Variants in HMGCLL1 observed in about 807,000 individuals in gnomAD.
HMGCLL1 encodes the protein 3-hydroxy-3-methylglutaryl-CoA lyase like 1.
HMGCLL1 carries 36 observed loss-of-function variants against 39.1 expected under a neutral mutation model. That is an observed-to-expected ratio of 0.92 (90% CI 0.71 to 1.22). The LOEUF (loss-of-function observed/expected upper bound fraction) is 1.22. Among genes scored for constraint, HMGCLL1 ranks in the 50% most tolerant of loss-of-function variants. The probability of loss-of-function intolerance (pLI) is 0.00; values close to 1 mark genes in which losing one functional copy is unlikely to be tolerated. For synonymous variants in HMGCLL1, 149 were observed against 144.0 expected (o/e 1.03, Z -0.25); for missense variants, 451 against 416.5 (o/e 1.08, Z -0.72).
At position 55,463,634 on chromosome 6, in the gene HMGCLL1, G is replaced by A. The variant is rs926000740; in HGVS notation, c.796-24075C>T. Reference sequence around the variant, plus strand: ...GGCTTCAAACATTGGGGCAACTGCAGACATTTACATATTTGAAACTAAATG... The same window carrying A: ...GGCTTCAAACATTGGGGCAACTGCAAACATTTACATATTTGAAACTAAATG... On this transcript the variant is annotated intron_variant, in intron 7 of 8. Transcript: ENST00000274901. Among the ~76,000 whole-genome samples, 8 of 152,058 alleles carry A rather than the reference G, an allele frequency of 5.3e-5. 1 individual carries two copies. Among genetic ancestry groups the A allele is most frequent in the African/African-American group, 1.9e-4 (8 of 41,396 alleles).
At chr6:55,660,604 A>T in the HMGCLL1 span, among the ~76,000 whole-genome samples, 1 of 151,864 alleles carries the variant, frequency 6.6e-6, no homozygotes, top group African/African-American at 2.4e-5. Flanking sequence ...CATTTCCTTT[A>T]TTCAATCTTT....
chr6:55,514,316 A>G, intron 4 of HMGCLL1, 120 bp from the exon 5 acceptor site: 1 of 686,010 alleles, frequency 1.5e-6, no homozygotes, highest in Non-Finnish European at 2.3e-6. Context: ...TTGCCTTAGA[A>G]TTTAAAATTG....
At chr6:55,639,505 A>T in the HMGCLL1 span, among the ~76,000 whole-genome samples, 2 of 151,722 alleles carry the variant, frequency 1.3e-5, no homozygotes, top group South Asian at 4.2e-4. Flanking sequence ...GAAGACAGGC[A>T]TATTTATTTT....
At chr6:55,444,937 G>A (rs192026300) in intron 7 of HMGCLL1, among the ~76,000 whole-genome samples, 2 of 152,028 alleles carry the variant, frequency 1.3e-5, no homozygotes, top group Admixed American at 6.6e-5. Flanking sequence ...CTTGTAAAAT[G>A]GTCTTTCTGA....
At chr6:55,612,972 C>T in the HMGCLL1 span, among the ~76,000 whole-genome samples, 1 of 152,096 alleles carries the variant, frequency 6.6e-6, no homozygotes, top group African/African-American at 2.4e-5. Flanking sequence ...AACTAAAGAG[C>T]TTCTGCACAG....
chr6:55,505,124 G>A (rs563528422), intron 5 of HMGCLL1, among the ~76,000 whole-genome samples: 1 of 151,568 alleles, frequency 6.6e-6, no homozygotes, highest in Non-Finnish European at 1.5e-5. Context: ...AAAAGAAGAC[G>A]TGAAGTGTTT....
the HMGCLL1 span, among the ~76,000 whole-genome samples, chr6:55,598,374 G>A: frequency 6.6e-6 from 1 of 152,096 alleles, no homozygotes; most frequent in Non-Finnish European, 1.5e-5. Flanking sequence ...TCACTTAAAT[G>A]CCAACAGTAG....
At chr6:55,558,741 C>A (rs1482766839) in intron 1 of HMGCLL1, among the ~76,000 whole-genome samples, 1 of 152,142 alleles carries the variant, frequency 6.6e-6, no homozygotes, top group East Asian at 1.9e-4. Context: ...AGGGTAAGCT[C>A]TGGGCAAACA....
chr6:55,440,899 A>C (rs1032644859), intron 7 of HMGCLL1, among the ~76,000 whole-genome samples: 1 of 152,138 alleles, frequency 6.6e-6, no homozygotes, highest in African/African-American at 2.4e-5. Flanking sequence ...TTAATTTTAA[A>C]ATAGTTTTTG....
At chr6:55,606,600 A>G in the HMGCLL1 span, among the ~76,000 whole-genome samples, 2 of 152,168 alleles carry the variant, frequency 1.3e-5, no homozygotes, top group East Asian at 1.9e-4. Context: ...AGATATTTTT[A>G]TATGGGATGA....
At chr6:55,461,346 G>T (rs983308634) in intron 7 of HMGCLL1, among the ~76,000 whole-genome samples, 5 of 151,822 alleles carry the variant, frequency 3.3e-5, no homozygotes, top group South Asian at 2.1e-4. Flanking sequence ...TTAAAGAAAT[G>T]AAACAAGAAA....
At chr6:55,595,099 G>A in the HMGCLL1 span, among the ~76,000 whole-genome samples, 3 of 151,998 alleles carry the variant, frequency 2.0e-5, no homozygotes, top group Admixed American at 6.6e-5. Flanking sequence ...TCCATTTCTC[G>A]AGAAAATTGA....
At chr6:55,526,143 A>G (rs2127445233) in intron 3 of HMGCLL1, among the ~76,000 whole-genome samples, 1 of 150,894 alleles carries the variant, frequency 6.6e-6, no homozygotes, top group African/African-American at 2.4e-5. Flanking sequence ...AGGACTCCAG[A>G]CCCCTATTTT....
chr6:55,650,126 TATATATATAC>T, the HMGCLL1 span, among the ~76,000 whole-genome samples: 89 of 53,712 alleles, frequency 1.7e-3, 1 homozygote, highest in East Asian at 4.8e-3. Context: ...TATATATATA[TATATATATAC>T]ACACACACAC....
the HMGCLL1 span, among the ~76,000 whole-genome samples, chr6:55,622,876 A>T: frequency 6.6e-6 from 1 of 152,004 alleles, no homozygotes; most frequent in Non-Finnish European, 1.5e-5. Flanking sequence ...TTCAGCAGTG[A>T]AGGCATTGGG....
chr6:55,493,731 T>C (rs544230493), intron 7 of HMGCLL1, among the ~76,000 whole-genome samples: 35 of 94,100 alleles, frequency 3.7e-4, no homozygotes, highest in African/African-American at 1.6e-3. Context: ...TTTTTTGTTT[T>C]TGTTTTTGTT....
chr6:55,466,090 T>A (rs928378039), intron 7 of HMGCLL1, among the ~76,000 whole-genome samples: 2 of 152,056 alleles, frequency 1.3e-5, no homozygotes, highest in Non-Finnish European at 2.9e-5. Flanking sequence ...TTTGTAGAGA[T>A]CTTGCTTTTC....
At chr6:55,666,593 T>C in the HMGCLL1 span, among the ~76,000 whole-genome samples, 1 of 151,702 alleles carries the variant, frequency 6.6e-6, no homozygotes, top group African/African-American at 2.4e-5. Flanking sequence ...CATAGATTCA[T>C]AGCGGGACTC....
At chr6:55,544,977 A>G (rs1458593122) in intron 1 of HMGCLL1, among the ~76,000 whole-genome samples, 1 of 152,116 alleles carries the variant, frequency 6.6e-6, no homozygotes, top group African/African-American at 2.4e-5. Context: ...TAATTTCAAC[A>G]GAACAATAAA....
Sources: allele counts gnomAD v4.1 joint callset (sites outside exome capture counted in the v4.1 genomes callset), GRCh38; gene constraint gnomAD v4.1.1; transcripts MANE v1.5; gene names NCBI Gene and HGNC (gene_info 2026-07-23, HGNC 2026-07-21).